CNNM2: variants seen among roughly 807,000 people sequenced by gnomAD.
CNNM2 encodes the protein cyclin and CBS domain divalent metal cation transport mediator 2, also known as metal transporter CNNM2.
A neutral mutation model predicts 66.9 loss-of-function variants in CNNM2; 12 were observed. The ratio of observed to expected loss-of-function variants is 0.18; its 90% confidence interval spans 0.11 to 0.29. The LOEUF is 0.29. Ranked by LOEUF, CNNM2 falls within the 10% of genes least tolerant of loss-of-function variation. CNNM2 has a pLI of 1.00. For missense variants in CNNM2, 705 were observed against 1,167.7 expected (o/e 0.60, Z 5.77); for synonymous variants, 557 against 501.8 (o/e 1.11, Z -1.47).
chr10:103,041,006 A>G (rs925839549), intron 1 of CNNM2, among the ~76,000 whole-genome samples: 4 of 152,134 alleles, frequency 2.6e-5, no homozygotes, highest in African/African-American at 9.7e-5. Context: ...CTGGACCAGC[A>G]TGTGATCTGT....
chr10:103,046,563 G>C (rs1311864058), intron 1 of CNNM2, among the ~76,000 whole-genome samples: 2 of 152,076 alleles, frequency 1.3e-5, no homozygotes, highest in Non-Finnish European at 2.9e-5. Context: ...TACTGTATTT[G>C]AATTAAAACA....
intron 4 of CNNM2, among the ~76,000 whole-genome samples, chr10:103,058,210 G>T (rs749712179): frequency 6.6e-6 from 1 of 152,052 alleles, no homozygotes; most frequent in Non-Finnish European, 1.5e-5. Context: ...TCTAAATTTA[G>T]TTTTCCTCAA....
chr10:102,927,318 CTT>C (rs1182642330), intron 1 of CNNM2: 1 of 1,613,298 alleles, frequency 6.2e-7, no homozygotes, highest in Non-Finnish European at 8.5e-7. Flanking sequence ...AAAGTATTGT[CTT>C]TTCATCTCTT....
intron 1 of CNNM2, among the ~76,000 whole-genome samples, chr10:102,980,084 T>C (rs959689202): frequency 5.9e-5 from 9 of 152,088 alleles, no homozygotes; most frequent in African/African-American, 1.7e-4. Flanking sequence ...CAGCTAAGTT[T>C]TGTATTTTTT....
At chr10:103,039,861 A>C (rs918076973) in intron 1 of CNNM2, among the ~76,000 whole-genome samples, 3 of 152,170 alleles carry the variant, frequency 2.0e-5, no homozygotes, top group African/African-American at 4.8e-5. Context: ...AAGATCACAA[A>C]CTTAGTATAA....
intron 1 of CNNM2, among the ~76,000 whole-genome samples, chr10:102,965,481 A>C (rs1340846236): frequency 6.6e-6 from 1 of 152,214 alleles, no homozygotes; most frequent in Non-Finnish European, 1.5e-5. Flanking sequence ...TAATCAGCTC[A>C]GACTATCTCA....
chr10:102,965,743 A>AT (rs1225507449), intron 1 of CNNM2, among the ~76,000 whole-genome samples: 1 of 152,214 alleles, frequency 6.6e-6, no homozygotes, highest in African/African-American at 2.4e-5. Flanking sequence ...TTAAAAATAA[A>AT]TTGCTTTGTC....
intron 4 of CNNM2, among the ~76,000 whole-genome samples, chr10:103,059,377 T>G (rs1473765383): frequency 6.6e-6 from 1 of 152,240 alleles, no homozygotes; most frequent in Non-Finnish European, 1.5e-5. Flanking sequence ...GAAAAAACCC[T>G]TTAAGTAATT....
At chr10:103,044,863 G>T (rs2065102368) in intron 1 of CNNM2, among the ~76,000 whole-genome samples, 2 of 152,178 alleles carry the variant, frequency 1.3e-5, no homozygotes, top group African/African-American at 4.8e-5. Flanking sequence ...TAATTCACAG[G>T]AATAATTTCT....
At position 102,919,681 on chromosome 10, in the gene CNNM2, C is replaced by T; in HGVS notation, c.1201C>T (p.Leu401=). The change falls in exon 1 of 8, where the codon CTG becomes TTG. Residue 401 remains leucine, a synonymous_variant. Transcript: ENST00000369878. ...YPVSKLLDCV[L]GQEIGTVYNR... is the part of the protein sequence containing the mutation. ...GGTCAGCAAGCTGCTGGACTGCGTC[C>T]TGGGCCAGGAGATAGGCACCGTCTA... 6.2e-7 allele frequency: 1 copy of T among 1,614,248 alleles called. No individual in the cohort carries two copies. Among genetic ancestry groups the T allele is most frequent in the Non-Finnish European group, 8.5e-7 (1 of 1,180,036 alleles).
intron 1 of CNNM2, among the ~76,000 whole-genome samples, chr10:102,977,615 G>A (rs1428086129): frequency 1.3e-5 from 2 of 152,148 alleles, no homozygotes; most frequent in East Asian, 1.9e-4. Flanking sequence ...GAGGTCAGGA[G>A]TTCAAGACCA....
chr10:102,920,137 T>C (rs1564805206), intron 1 of CNNM2, 36 bp downstream of exon 1: 1 of 1,614,138 alleles, frequency 6.2e-7, no homozygotes, highest in South Asian at 1.1e-5. Context: ...GGCTTGCTCT[T>C]TCTCTCTCCA....
In CNNM2 at chr10:103,036,336, C is replaced by A. The variant is rs78110843; in HGVS notation, c.1622-13371C>A. Among the ~76,000 whole-genome samples the A allele has an allele frequency of 0.015, 2,233 of 152,224 alleles. 54 individuals are homozygous for A. The highest frequency in any genetic ancestry group is 0.05 in the African/African-American group (2,079 of 41,516). ...CTCTCCTTCAGAAAGTCTTAAGGCC[C>A]GGCTTTTAAGGCCTTCCAACTGATT... On this transcript the variant is annotated intron_variant, in intron 1 of 7. Coordinates refer to ENST00000369878, the MANE Select transcript of CNNM2 (RefSeq NM_017649.5).
intron 1 of CNNM2, among the ~76,000 whole-genome samples, chr10:103,031,894 A>G (rs894817358): frequency 2.6e-5 from 4 of 152,212 alleles, no homozygotes; most frequent in African/African-American, 7.2e-5. Flanking sequence ...TTGCATATGC[A>G]TAACTGCAGA....
chr10:103,090,164 T>C lies in CNNM2; in HGVS notation c.*12984T>C. ...GATGGAGAGGGGAGTTTACTTTCTATTTTACAGCAAAAACAAGATAGTCCT... is the reference window on the plus strand; with the variant it reads ...GATGGAGAGGGGAGTTTACTTTCTACTTTACAGCAAAAACAAGATAGTCCT... On this transcript the variant is annotated 3_prime_UTR_variant, in exon 8 of 8. Coordinates refer to ENST00000369878, the MANE Select transcript of CNNM2 (RefSeq NM_017649.5). The C allele has an allele frequency of 2.4e-6, 1 of 418,178 alleles. No individual in the cohort carries two copies. The highest frequency in any genetic ancestry group is 4.2e-6 in the Non-Finnish European group (1 of 236,274). The allele number at this position is 418,178 out of a possible 1,614,324, so 25.9% of individuals were successfully genotyped here. A position where few individuals can be genotyped will look rare whatever the true frequency, so the allele number is the denominator to read the frequency against.
At chr10:102,927,221 A>G (rs1448432487) in intron 1 of CNNM2, 3 of 1,293,724 alleles carry the variant, frequency 2.3e-6, no homozygotes, top group African/African-American at 3.0e-5. Context: ...GTAAACTTTC[A>G]ATTCATTAAG....
At chr10:102,957,654 C>T (rs995752926) in intron 1 of CNNM2, among the ~76,000 whole-genome samples, 6 of 152,192 alleles carry the variant, frequency 3.9e-5, no homozygotes, top group Non-Finnish European at 8.8e-5. Flanking sequence ...ATTCCTTCCA[C>T]GTCCAAGGTC....
At chr10:103,037,747 G>A (rs941850854) in intron 1 of CNNM2, among the ~76,000 whole-genome samples, 4 of 152,152 alleles carry the variant, frequency 2.6e-5, no homozygotes, top group African/African-American at 9.7e-5. Flanking sequence ...TTGAAAATAT[G>A]TTTAAAAGGT....
intron 1 of CNNM2, among the ~76,000 whole-genome samples, chr10:102,953,843 G>C (rs1846932301): frequency 6.6e-6 from 1 of 152,218 alleles, no homozygotes. Context: ...TTACAGGCAT[G>C]AGCCACTGTG....
Sources: allele counts gnomAD v4.1 joint callset (sites outside exome capture counted in the v4.1 genomes callset), GRCh38; gene constraint gnomAD v4.1.1; transcripts MANE v1.5; gene names NCBI Gene and HGNC (gene_info 2026-07-23, HGNC 2026-07-21).